The following CDH6 variants were observed in gnomAD, a reference collection of about 807,000 sequenced individuals.
CDH6 encodes the protein cadherin-6.
A neutral mutation model predicts 78.0 loss-of-function variants in CDH6; 31 were observed. The observed-to-expected ratio is 0.40, with a 90% CI of 0.30 to 0.54. CDH6 has a LOEUF of 0.54. CDH6 is among the 20% of genes least tolerant of loss of function. The pLI, the probability that CDH6 is intolerant of heterozygous loss-of-function variation, is 0.56. For synonymous variants in CDH6, 376 were observed against 368.8 expected (o/e 1.02, Z -0.23); for missense variants, 724 against 975.9 (o/e 0.74, Z 3.44).
chr5:31,302,806 A>G lies in CDH6; in HGVS notation c.999+508A>G, dbSNP rs867114884. ...AGAGAGAGAGAGAGAGAGAGAAAGA[A>G]AGAAAGAAAGAAAGAAAGAAAGAAA... On this transcript the variant is annotated intron_variant, in intron 6 of 11. Coordinates refer to ENST00000265071, the MANE Select transcript of CDH6 (RefSeq NM_004932.4). Among the ~76,000 whole-genome samples the G allele has an allele frequency of 1.3e-4, 14 of 104,966 alleles. 1 individual carries two copies. The highest frequency in any genetic ancestry group is 3.3e-4 in the South Asian group (1 of 3,068). The allele number at this position is 104,966 out of a possible 152,430, so 68.9% of individuals were successfully genotyped here. A position where few individuals can be genotyped will look rare whatever the true frequency, so the allele number is the denominator to read the frequency against.
intron 1 of CDH6, among the ~76,000 whole-genome samples, chr5:31,207,904 C>T (rs1242251078): frequency 1.3e-5 from 2 of 152,150 alleles, no homozygotes; most frequent in Non-Finnish European, 2.9e-5. Context: ...GACCTTGGTG[C>T]CTGTTGGGGT....
At chr5:31,228,481 C>A (rs911521047) in intron 1 of CDH6, among the ~76,000 whole-genome samples, 2 of 152,178 alleles carry the variant, frequency 1.3e-5, no homozygotes, top group African/African-American at 4.8e-5. Flanking sequence ...CAGGGTCAGA[C>A]ACCCATGGAC....
At chr5:31,238,583 A>T (rs567781351) in intron 1 of CDH6, among the ~76,000 whole-genome samples, 1 of 152,376 alleles carries the variant, frequency 6.6e-6, no homozygotes, top group South Asian at 2.1e-4. Context: ...AAGTAGTGAA[A>T]GAATCATATG....
intron 1 of CDH6, among the ~76,000 whole-genome samples, chr5:31,202,766 CATATAT>C (rs1334057226): frequency 4.7e-5 from 7 of 149,240 alleles, no homozygotes. Context: ...CATATACACG[CATATAT>C]GTATATGTCA....
At chr5:31,203,271 A>T (rs1740416913) in intron 1 of CDH6, among the ~76,000 whole-genome samples, 1 of 142,640 alleles carries the variant, frequency 7.0e-6, no homozygotes, top group Admixed American at 7.0e-5. Flanking sequence ...TTATACTTTA[A>T]GTTTTAGGGT....
chr5:31,302,907 GA>G (rs756951213), intron 6 of CDH6, among the ~76,000 whole-genome samples: 2 of 86,796 alleles, frequency 2.3e-5, no homozygotes, highest in Admixed American at 1.3e-4. Flanking sequence ...AAGAAAAAAA[GA>G]AAGAAAGAAA....
chr5:31,313,473 C>G lies in CDH6; in HGVS notation c.1390+19C>G. Reference sequence around the variant, plus strand: ...GAGATCAGTAAGTCCTACCTAATACCGCTGCTGTCCCCTATTAATAGACTG... The same window carrying G: ...GAGATCAGTAAGTCCTACCTAATACGGCTGCTGTCCCCTATTAATAGACTG... On this transcript the variant is annotated intron_variant, in intron 8 of 11. Coordinates refer to ENST00000265071, the MANE Select transcript of CDH6 (RefSeq NM_004932.4). 1.2e-6 allele frequency: 2 copies of G among 1,608,022 alleles called. No homozygotes were observed. The highest frequency in any genetic ancestry group is 1.7e-6 in the Non-Finnish European group (2 of 1,175,584).
intron 1 of CDH6, among the ~76,000 whole-genome samples, chr5:31,239,623 GT>G (rs1741543281): frequency 6.6e-6 from 1 of 152,206 alleles, no homozygotes. Flanking sequence ...TGAATTTAGG[GT>G]TTACCCCAAT....
intron 5 of CDH6, among the ~76,000 whole-genome samples, chr5:31,301,240 C>A (rs190073281): frequency 5.0e-4 from 76 of 152,330 alleles, no homozygotes; most frequent in African/African-American, 1.7e-3. Context: ...TGAACGCCTA[C>A]ATTTTAGTAG....
chr5:31,222,673 T>C (rs1258801674), intron 1 of CDH6, among the ~76,000 whole-genome samples: 4 of 152,160 alleles, frequency 2.6e-5, no homozygotes, highest in Non-Finnish European at 5.9e-5. Context: ...ATAAATTCAT[T>C]ACACAGATGA....
At chr5:31,229,858 G>A (rs1179403937) in intron 1 of CDH6, among the ~76,000 whole-genome samples, 3 of 152,180 alleles carry the variant, frequency 2.0e-5, no homozygotes, top group South Asian at 2.1e-4. Context: ...CCTTGGTGAC[G>A]TAAGGGACTT....
chr5:31,253,600 A>G (rs1741973163), intron 1 of CDH6, among the ~76,000 whole-genome samples: 1 of 152,234 alleles, frequency 6.6e-6, no homozygotes. Context: ...CAATGCCCTC[A>G]TGATCTAATC....
rs73089385 is a variant in CDH6 at position 31,299,321 on chromosome 5, C to T, written c.644-143C>T. The T allele has an allele frequency of 5.5e-3, 3,306 of 605,278 alleles. 90 individuals carry two copies. The highest frequency in any genetic ancestry group is 0.054 in the African/African-American group (2,930 of 54,728). 37.5% of individuals were successfully genotyped at this position (605,278 alleles called of 1,614,324 possible). A position where few individuals can be genotyped will look rare whatever the true frequency, so the allele number is the denominator to read the frequency against. The stretch of plus-strand genomic sequence containing the variant: ...GTAATATCCTTCAGTATAAAGGCTG[C>T]ATATAATTATTTTTATGTCACCATG... On this transcript the variant is annotated intron_variant, in intron 4 of 11. Transcript: ENST00000265071.
At chr5:31,203,106 C>T (rs1272816429) in intron 1 of CDH6, among the ~76,000 whole-genome samples, 1 of 151,950 alleles carries the variant, frequency 6.6e-6, no homozygotes, top group African/African-American at 2.4e-5. Context: ...GAGATATTGT[C>T]AGTGTTTCAT....
chr5:31,199,577 A>G (rs1032583628), intron 1 of CDH6, among the ~76,000 whole-genome samples: 15 of 147,320 alleles, frequency 1.0e-4, no homozygotes, highest in African/African-American at 3.7e-4. Context: ...CTCAGAGCAT[A>G]TATATCTATA....
intron 1 of CDH6, among the ~76,000 whole-genome samples, chr5:31,219,498 C>T (rs563010349): frequency 2.0e-5 from 3 of 152,104 alleles, no homozygotes; most frequent in African/African-American, 7.2e-5. Flanking sequence ...CAACATATGA[C>T]TGCCTTCTTC....
chr5:31,266,637 GA>G (rs11296915), intron 1 of CDH6, among the ~76,000 whole-genome samples: 72,969 of 147,974 alleles, frequency 0.49, 17,735 homozygotes, highest in Middle Eastern at 0.59. Flanking sequence ...GTCCTCTAAG[GA>G]AAAAAAAAAA....
rs1289127597 is a variant in CDH6 at position 31,327,593 on chromosome 5, A to G, written c.*4285A>G. ...TCAGATTATAAGAGTAGAAAAATTA[A>G]CACTTGGTGTGTGAATCTTCAGGAA... On this transcript the variant is annotated 3_prime_UTR_variant, in exon 12 of 12. Coordinates refer to ENST00000265071, the MANE Select transcript of CDH6 (RefSeq NM_004932.4). The G allele has an allele frequency of 1.0e-5, 2 of 196,896 alleles. No homozygotes were observed. The highest frequency in any genetic ancestry group is 2.1e-5 in the Non-Finnish European group (2 of 94,978). 12.2% of individuals were successfully genotyped at this position (196,896 alleles called of 1,614,324 possible).
chr5:31,213,238 T>A (rs1047625442), intron 1 of CDH6, among the ~76,000 whole-genome samples: 1 of 152,160 alleles, frequency 6.6e-6, no homozygotes, highest in African/African-American at 2.4e-5. Context: ...AGCGCAGAAT[T>A]AAGGCTGCAA....
Sources: gnomAD v4.1 joint callset for allele counts (sites outside exome capture counted in the v4.1 genomes callset) on GRCh38, gnomAD v4.1.1 for gene constraint, MANE v1.5 for transcripts, NCBI Gene and HGNC (gene_info 2026-07-23, HGNC 2026-07-21) for gene names.